The following TENM3 variants were observed in gnomAD, a reference collection of about 807,000 sequenced individuals.
The protein encoded by TENM3 is teneurin-3.
TENM3 carries 63 observed loss-of-function variants against 255.1 expected under a neutral mutation model. The observed-to-expected ratio is 0.25, with a 90% CI of 0.20 to 0.30. The LOEUF is 0.30. Ranked by LOEUF, TENM3 falls within the 10% of genes least tolerant of loss-of-function variation. The probability of loss-of-function intolerance (pLI) is 1.00; values close to 1 mark genes in which losing one functional copy is unlikely to be tolerated. For missense variants in TENM3, 2,929 were observed against 3,461.1 expected (o/e 0.85, Z 3.86); for synonymous variants, 1,306 against 1,322.3 (o/e 0.99, Z 0.27).
At chr4:182,602,413 T>C (rs772702118) in intron 4 of TENM3, among the ~76,000 whole-genome samples, 4 of 152,200 alleles carry the variant, frequency 2.6e-5, no homozygotes, top group Non-Finnish European at 5.9e-5. Flanking sequence ...TCACAATGAA[T>C]ACATTGCTAT....
At chr4:182,742,796 C>T (rs920067039) in intron 18 of TENM3, among the ~76,000 whole-genome samples, 1 of 152,188 alleles carries the variant, frequency 6.6e-6, no homozygotes, top group African/African-American at 2.4e-5. Flanking sequence ...AATTAAACCA[C>T]CATCTCTCTG....
Position 182,789,040 on chromosome 4 carries a change from T to G in TENM3, c.5305-53T>G. The G allele has an allele frequency of 1.4e-6, 2 of 1,464,730 alleles. No individual in the cohort carries two copies. The highest frequency in any genetic ancestry group is 1.3e-5 in the South Asian group (1 of 75,076). The allele number at this position is 1,464,730 out of a possible 1,614,324, so 90.7% of individuals were successfully genotyped here. ...ATGGTGTTTAAACAATACTGGGGAC[T>G]CCGGTGTTGGAATAACATGATTTAT... On this transcript the variant is annotated intron_variant, in intron 24 of 27. Coordinates refer to ENST00000511685, the MANE Select transcript of TENM3 (RefSeq NM_001080477.4). The surrounding 1 kb of genome is among the most constrained non-coding windows in gnomAD (Gnocchi z 4.4).
the TENM3 span, among the ~76,000 whole-genome samples, chr4:181,595,960 C>T: frequency 6.6e-6 from 1 of 152,174 alleles, no homozygotes; most frequent in Non-Finnish European, 1.5e-5. Flanking sequence ...CACATTACTT[C>T]TCTTTTCCTT....
intron 3 of TENM3, among the ~76,000 whole-genome samples, chr4:182,347,351 A>G (rs1470514430): frequency 2.0e-5 from 3 of 152,230 alleles, no homozygotes; most frequent in Admixed American, 1.3e-4. Flanking sequence ...CCTCTTGAAG[A>G]TATCTCAAAG....
chr4:181,448,154 A>ATTTTTTTTTTTTTTTTT, the TENM3 span, among the ~76,000 whole-genome samples: 1 of 90,066 alleles, frequency 1.1e-5, no homozygotes, highest in African/African-American at 4.8e-5. Context: ...AAATCCAGTA[A>ATTTTTTTTTTTTTTTTT]TTTTTTTTTT....
chr4:182,244,099 G>A (rs1322460825), intron 1 of TENM3, among the ~76,000 whole-genome samples: 25 of 150,148 alleles, frequency 1.7e-4, no homozygotes, highest in East Asian at 2.0e-4. Flanking sequence ...GACTACAGGC[G>A]CCCGCCACCA....
the TENM3 span, among the ~76,000 whole-genome samples, chr4:182,123,062 C>T: frequency 0.068 from 10,329 of 152,252 alleles, 505 homozygotes; most frequent in South Asian, 0.15. Flanking sequence ...GCAATTTCCT[C>T]GTCTCTCTCA....
At chr4:182,687,050 G>A (rs952258459) in intron 11 of TENM3, among the ~76,000 whole-genome samples, 1 of 152,228 alleles carries the variant, frequency 6.6e-6, no homozygotes, top group Admixed American at 6.5e-5. Context: ...GTGAGATAGA[G>A]AATCACGTGT....
At chr4:181,921,067 G>A in the TENM3 span, among the ~76,000 whole-genome samples, 49 of 152,146 alleles carry the variant, frequency 3.2e-4, no homozygotes, top group African/African-American at 1.2e-3. Flanking sequence ...TATTTCTGAG[G>A]GCTCTGTTCT....
At chr4:182,024,677 G>C in the TENM3 span, among the ~76,000 whole-genome samples, 1 of 152,072 alleles carries the variant, frequency 6.6e-6, no homozygotes, top group East Asian at 1.9e-4. Flanking sequence ...AAGCATTTGT[G>C]TCTTTGTGTC....
the TENM3 span, among the ~76,000 whole-genome samples, chr4:181,696,235 T>C: frequency 6.6e-6 from 1 of 152,190 alleles, no homozygotes; most frequent in Non-Finnish European, 1.5e-5. Flanking sequence ...AGAAATCTTG[T>C]AATGATACCG....
At chr4:182,135,204 CAAAAAAAAA>C in the TENM3 span, among the ~76,000 whole-genome samples, 15 of 81,574 alleles carry the variant, frequency 1.8e-4, no homozygotes, top group East Asian at 5.0e-4. Flanking sequence ...GACTCGGTCT[CAAAAAAAAA>C]AAAAAAAAAA....
chr4:182,632,201 G>C (rs997154038), intron 5 of TENM3, among the ~76,000 whole-genome samples: 1 of 151,972 alleles, frequency 6.6e-6, no homozygotes, highest in Non-Finnish European at 1.5e-5. Context: ...TTATTTAGTG[G>C]CTATTCTTAG....
the TENM3 span, among the ~76,000 whole-genome samples, chr4:181,886,423 C>A: frequency 6.6e-6 from 1 of 152,146 alleles, no homozygotes; most frequent in Non-Finnish European, 1.5e-5. Context: ...AAATGAACTA[C>A]AAATGTATTT....
At chr4:182,505,512 C>A (rs911429200) in intron 3 of TENM3, among the ~76,000 whole-genome samples, 5 of 151,852 alleles carry the variant, frequency 3.3e-5, no homozygotes, top group Non-Finnish European at 7.4e-5. Context: ...GAGTTTCACC[C>A]TTATTGCCCA....
rs78987682 is a variant in TENM3, at chr4:182,637,059, C to G, written c.988+8170C>G. On this transcript the variant is annotated intron_variant, in intron 5 of 27. Transcript: ENST00000511685. ...TTTGCTTTTACATTAGTGGTACTAA[C>G]AGCGGCATATTCAGAGAGAAATGTC... 8.5e-5 allele frequency among the ~76,000 whole-genome samples: 13 copies of G among 152,236 alleles called. No homozygotes were observed. In the East Asian group the frequency reaches 2.5e-3, roughly 29 times the overall value.
the TENM3 span, among the ~76,000 whole-genome samples, chr4:181,632,413 T>C: frequency 9.2e-5 from 14 of 152,166 alleles, no homozygotes; most frequent in Admixed American, 3.3e-4. Context: ...AACCATATCA[T>C]GTGGGCATAT....
chr4:182,010,540 T>G, the TENM3 span, among the ~76,000 whole-genome samples: 1 of 152,016 alleles, frequency 6.6e-6, no homozygotes, highest in East Asian at 1.9e-4. Context: ...TTAAAATAAC[T>G]CTGATTTTTC....
chr4:182,302,831 A>G (rs1159413320), intron 1 of TENM3, among the ~76,000 whole-genome samples: 1 of 152,160 alleles, frequency 6.6e-6, no homozygotes, highest in Non-Finnish European at 1.5e-5. Context: ...TGTCATTAAG[A>G]ACTGAGCTTC....
Sources: gnomAD v4.1 joint callset for allele counts (sites outside exome capture counted in the v4.1 genomes callset) on GRCh38, gnomAD v4.1.1 for gene constraint, Gnocchi (gnomAD v3.1) non-coding constraint, MANE v1.5 for transcripts, NCBI Gene and HGNC (gene_info 2026-07-23, HGNC 2026-07-21) for gene names.